The following KDM4B variants were observed in gnomAD, a reference collection of about 807,000 sequenced individuals.
The protein encoded by KDM4B is lysine-specific demethylase 4B.
KDM4B carries 32 observed loss-of-function variants against 125.2 expected under a neutral mutation model. The observed-to-expected ratio is 0.26, with a 90% CI of 0.19 to 0.34. KDM4B has a LOEUF of 0.34. KDM4B is among the 10% of genes least tolerant of loss of function. The pLI, the probability that KDM4B is intolerant of heterozygous loss-of-function variation, is 1.00. For synonymous variants in KDM4B, 721 were observed against 677.9 expected (o/e 1.06, Z -0.99); for missense variants, 1,190 against 1,577.7 (o/e 0.75, Z 4.16).
intron 9 of KDM4B, among the ~76,000 whole-genome samples, chr19:5,092,844 C>T (rs1042618309): frequency 2.0e-5 from 3 of 152,164 alleles, no homozygotes; most frequent in Non-Finnish European, 4.4e-5. Context: ...CATGGCTGTT[C>T]CTCAGCCGTC....
At position 4,975,838 on chromosome 19, in the gene KDM4B, C is replaced by T. The variant is rs549746752; in HGVS notation, c.-109+6608C>T. 9.6e-4 allele frequency among the ~76,000 whole-genome samples: 146 copies of T among 151,754 alleles called. 1 individual carries two copies. Among genetic ancestry groups the T allele is most frequent in the African/African-American group, 3.4e-3 (141 of 41,448 alleles). On this transcript the variant is annotated intron_variant, in intron 1 of 22. Coordinates refer to ENST00000159111, the MANE Select transcript of KDM4B (RefSeq NM_015015.3). ...CAACTCCTGACCTCAGGGCATCCGC[C>T]TGTCTTGGCCTCCCAAAGTGCTGGG...
intron 1 of KDM4B, among the ~76,000 whole-genome samples, chr19:4,998,990 G>C (rs994878225): frequency 6.6e-6 from 1 of 152,118 alleles, no homozygotes; most frequent in Non-Finnish European, 1.5e-5. Flanking sequence ...AGGTGGGCCC[G>C]CCAGGTTTCC....
chr19:5,090,304 T>C (rs2038648923), intron 9 of KDM4B, among the ~76,000 whole-genome samples: 1 of 151,228 alleles, frequency 6.6e-6, no homozygotes, highest in South Asian at 2.1e-4. Flanking sequence ...CGGTTCGTTT[T>C]GAGAAGTCTC....
intron 1 of KDM4B, among the ~76,000 whole-genome samples, chr19:4,998,497 A>G (rs56720624): frequency 2.0e-5 from 3 of 152,008 alleles, no homozygotes; most frequent in Non-Finnish European, 4.4e-5. Context: ...CTTTCCCTGC[A>G]CTTCTTCCTA....
At chr19:5,116,333 A>C (rs1054615564) in intron 10 of KDM4B, among the ~76,000 whole-genome samples, 4 of 152,140 alleles carry the variant, frequency 2.6e-5, no homozygotes, top group African/African-American at 7.2e-5. Flanking sequence ...AAGACAAAGG[A>C]AAAAGGCCTT....
rs745820403 is a variant in KDM4B, at chr19:5,131,109, C to G, written c.1349C>G (p.Ala450Gly). 1.3e-6 allele frequency: 2 copies of G among 1,524,110 alleles called. No individual in the cohort carries two copies. Among genetic ancestry groups the G allele is most frequent in the South Asian group, 1.3e-5 (1 of 77,164 alleles). 94.4% of individuals were successfully genotyped at this position (1,524,110 alleles called of 1,614,324 possible). ...AGGGGCAAGCTGCGGCCAACCAAGG[C>G]CAAGAGCGAGCGGAAGAAGAAGAGC... ...DGRGKLRPTK[A>G]KSERKKKSFG... Residue 450 changes from alanine (A) to glycine (G), a missense_variant, in exon 12 of 23, where the codon GCC becomes GGC. This residue lies in a region of KDM4B where 428 missense variants were observed against 405.1 expected (regional missense o/e 1.06). Transcript: ENST00000159111.
intron 1 of KDM4B, among the ~76,000 whole-genome samples, chr19:4,969,675 C>T (rs909274099): frequency 3.9e-5 from 6 of 152,112 alleles, no homozygotes; most frequent in African/African-American, 1.4e-4. Flanking sequence ...ACCCCAGCCC[C>T]TGGGTAACCC....
At chr19:5,117,297 C>T (rs541781142) in intron 10 of KDM4B, among the ~76,000 whole-genome samples, 62 of 137,800 alleles carry the variant, frequency 4.5e-4, no homozygotes, top group African/African-American at 1.7e-3. Context: ...TGGTCGGAAG[C>T]GACCTCTAGG....
intron 1 of KDM4B, among the ~76,000 whole-genome samples, chr19:4,986,217 C>T (rs1029585339): frequency 3.3e-5 from 5 of 152,190 alleles, no homozygotes; most frequent in Non-Finnish European, 7.3e-5. Context: ...TGCGGCCTCA[C>T]AGGGGCTTCA....
intron 2 of KDM4B, among the ~76,000 whole-genome samples, chr19:5,022,150 C>T (rs2036142507): frequency 6.6e-6 from 1 of 152,192 alleles, no homozygotes; most frequent in Non-Finnish European, 1.5e-5. Context: ...GGCCATGTTC[C>T]TTGTGAGGGT....
intron 9 of KDM4B, among the ~76,000 whole-genome samples, chr19:5,093,387 G>T (rs1463417212): frequency 1.3e-5 from 2 of 152,218 alleles, no homozygotes; most frequent in African/African-American, 2.4e-5. Context: ...GGCTGGCCGG[G>T]AGGGGCAGGG....
chr19:5,053,341 C>A (rs1386656008), intron 6 of KDM4B, among the ~76,000 whole-genome samples: 1 of 152,230 alleles, frequency 6.6e-6, no homozygotes, highest in African/African-American at 2.4e-5. Flanking sequence ...TGCCTCGCTC[C>A]CAGGCAGGGG....
intron 11 of KDM4B, among the ~76,000 whole-genome samples, chr19:5,128,255 C>T (rs1208720833): frequency 6.6e-6 from 1 of 152,180 alleles, no homozygotes; most frequent in Non-Finnish European, 1.5e-5. Flanking sequence ...CGCCTCCTTC[C>T]CCAATTCCTC....
At chr19:5,002,673 A>C (rs565806587) in intron 1 of KDM4B, among the ~76,000 whole-genome samples, 2 of 150,390 alleles carry the variant, frequency 1.3e-5, no homozygotes, top group African/African-American at 2.4e-5. Context: ...ATTAAAAAAA[A>C]TAGTTAGCTG....
chr19:5,137,005 C>T (rs1008519736), intron 15 of KDM4B, among the ~76,000 whole-genome samples: 9 of 152,206 alleles, frequency 5.9e-5, no homozygotes, highest in African/African-American at 1.7e-4. Context: ...GCTCAGGGTC[C>T]CTGCTTCCCC....
intron 9 of KDM4B, among the ~76,000 whole-genome samples, chr19:5,088,299 C>A (rs1009877700): frequency 1.2e-4 from 19 of 152,310 alleles, no homozygotes; most frequent in African/African-American, 4.6e-4. Flanking sequence ...CAGCTCTTAG[C>A]GGCTCCTGCA....
rs2039754797 is a variant in KDM4B, at chr19:5,142,126, C to T, written c.2551-1841C>T. On this transcript the variant is annotated intron_variant, in intron 18 of 22. Coordinates refer to ENST00000159111, the MANE Select transcript of KDM4B (RefSeq NM_015015.3). This position sits in a 1 kb window ranked among gnomAD's most constrained non-coding sequence, Gnocchi z 5.4. ...CGTGGTGCTCTGCAGACCTCTGAAG[C>T]CCACCCGCGTCGTCCTCACAGCCCT... Among the ~76,000 whole-genome samples the T allele has an allele frequency of 6.6e-6, 1 of 152,162 alleles. No individual in the cohort carries two copies. The highest frequency in any genetic ancestry group is 1.5e-5 in the Non-Finnish European group (1 of 68,014).
At chr19:4,980,615 G>T (rs1442227364) in intron 1 of KDM4B, among the ~76,000 whole-genome samples, 1 of 151,694 alleles carries the variant, frequency 6.6e-6, no homozygotes, top group Non-Finnish European at 1.5e-5. Context: ...GTAGAGATGG[G>T]GTTTCACCAT....
intron 1 of KDM4B, among the ~76,000 whole-genome samples, chr19:5,009,077 G>A (rs1266315565): frequency 6.6e-6 from 1 of 151,506 alleles, no homozygotes; most frequent in Admixed American, 6.6e-5. Context: ...ACCACGCTCA[G>A]CTAATTTTTG....
Sources: gnomAD v4.1 joint callset for allele counts (sites outside exome capture counted in the v4.1 genomes callset) on GRCh38, gnomAD v4.1.1 for gene constraint, gnomAD v4.1.1 regional missense constraint, Gnocchi (gnomAD v3.1) non-coding constraint, MANE v1.5 for transcripts, NCBI Gene and HGNC (gene_info 2026-07-23, HGNC 2026-07-21) for gene names.